SMAD6: variants seen among roughly 807,000 people sequenced by gnomAD.
SMAD6 encodes SMAD family member 6, also known as MAD homolog 6.
SMAD6 carries 103 observed loss-of-function variants against 39.4 expected under a neutral mutation model. That is an observed-to-expected ratio of 2.62 (90% CI 2.23 to 3.08). The LOEUF (loss-of-function observed/expected upper bound fraction) is 3.08. SMAD6 is among the 30% of genes most tolerant of loss of function. The pLI is 0.00. For missense variants in SMAD6, 1,104 were observed against 742.9 expected (o/e 1.49, Z -5.65); for synonymous variants, 445 against 353.3 (o/e 1.26, Z -2.91).
chr15:66,741,440 A>G (rs1595781623), intron 3 of SMAD6, among the ~76,000 whole-genome samples: 2 of 152,368 alleles, frequency 1.3e-5, no homozygotes, highest in South Asian at 2.1e-4. Flanking sequence ...TCCTACAGGA[A>G]CTTTGGGTCC....
At chr15:66,780,453 G>C (rs573510143) in intron 3 of SMAD6, among the ~76,000 whole-genome samples, 2 of 152,252 alleles carry the variant, frequency 1.3e-5, no homozygotes, top group South Asian at 4.1e-4. Flanking sequence ...ACCCTACTCT[G>C]TCAGGTTGAG....
At chr15:66,756,074 C>G (rs1226095074) in intron 3 of SMAD6, among the ~76,000 whole-genome samples, 2 of 151,736 alleles carry the variant, frequency 1.3e-5, no homozygotes, top group Non-Finnish European at 2.9e-5. Flanking sequence ...GTGACTTTGT[C>G]TGTGTGTTCA....
At chr15:66,729,784 T>C (rs1200991328) in intron 3 of SMAD6, among the ~76,000 whole-genome samples, 5 of 152,072 alleles carry the variant, frequency 3.3e-5, no homozygotes, top group African/African-American at 1.2e-4. Flanking sequence ...GGAAATAACT[T>C]ATTAAAGGGG....
chr15:66,760,684 G>A (rs1595792928), intron 3 of SMAD6, among the ~76,000 whole-genome samples: 1 of 152,264 alleles, frequency 6.6e-6, no homozygotes, highest in Admixed American at 6.5e-5. Flanking sequence ...ACAGGGAGGT[G>A]CACACTGTCC....
intron 3 of SMAD6, among the ~76,000 whole-genome samples, chr15:66,722,772 G>A (rs139389714): frequency 3.9e-5 from 6 of 152,146 alleles, no homozygotes; most frequent in Non-Finnish European, 8.8e-5. Context: ...GAGGTGTGAG[G>A]GGGGGTCGGC....
At chr15:66,779,089 G>C (rs927211562) in intron 3 of SMAD6, among the ~76,000 whole-genome samples, 1 of 151,992 alleles carries the variant, frequency 6.6e-6, no homozygotes, top group Non-Finnish European at 1.5e-5. Context: ...GCTGGGGAGA[G>C]GGGCACTGGA....
intron 3 of SMAD6, among the ~76,000 whole-genome samples, chr15:66,754,352 C>T (rs899547559): frequency 7.9e-5 from 12 of 152,154 alleles, no homozygotes; most frequent in Admixed American, 6.5e-5. Context: ...CCGAGCTTTG[C>T]GGTATTCAGG....
intron 3 of SMAD6, among the ~76,000 whole-genome samples, chr15:66,728,461 C>T (rs1893563002): frequency 6.6e-6 from 1 of 151,804 alleles, no homozygotes; most frequent in Non-Finnish European, 1.5e-5. Context: ...GGCTGGAATG[C>T]AGTGATGTGA....
chr15:66,716,882 C>T, intron 3 of SMAD6: 2 of 832,388 alleles, frequency 2.4e-6, no homozygotes, highest in Non-Finnish European at 3.4e-6. Context: ...TGTCCTCACT[C>T]CAGGGGAGGG....
intron 2 of SMAD6, among the ~76,000 whole-genome samples, chr15:66,712,688 C>CAAA (rs775687604): frequency 1.8e-4 from 9 of 49,292 alleles, no homozygotes; most frequent in East Asian, 6.3e-4. Context: ...AATTCTGTCT[C>CAAA]AAAAAAAAAA....
rs201517247 is a variant in SMAD6 at position 66,781,007 on chromosome 15, G to A, written c.963G>A (p.Met321Ile). 2 of 1,573,042 alleles carry A rather than the reference G, an allele frequency of 1.3e-6. No homozygotes were observed. The highest frequency in any genetic ancestry group is 8.6e-7 in the Non-Finnish European group (1 of 1,164,672). Residue 321 changes from methionine to isoleucine, a missense_variant, in exon 4 of 4, where the codon ATG (methionine) becomes ATA (isoleucine). Transcript: ENST00000288840. ...TAPGEFSDAS[M>I]SPDATKPSHW... ...GTGCTTGTCCCGCAGACGCCAGCAT[G>A]TCTCCGGACGCCACCAAGCCGAGCC...
intron 3 of SMAD6, among the ~76,000 whole-genome samples, chr15:66,739,954 T>C (rs769567810): frequency 8.5e-5 from 13 of 152,218 alleles, no homozygotes; most frequent in Non-Finnish European, 1.3e-4. Flanking sequence ...TGTTAAAAAA[T>C]ACAGTTTTGC....
At chr15:66,746,224 C>T (rs1893905430) in intron 3 of SMAD6, among the ~76,000 whole-genome samples, 1 of 152,238 alleles carries the variant, frequency 6.6e-6, no homozygotes, top group Admixed American at 6.5e-5. Flanking sequence ...AGCTGTGCAA[C>T]TTCGGTGACT....
intron 3 of SMAD6, among the ~76,000 whole-genome samples, chr15:66,736,835 A>T (rs933447883): frequency 6.6e-6 from 1 of 151,966 alleles, no homozygotes. Flanking sequence ...ACGCCCAGCT[A>T]ATTTTTGTAT....
intron 3 of SMAD6, among the ~76,000 whole-genome samples, chr15:66,751,015 A>G (rs1002231354): frequency 2.0e-5 from 3 of 151,762 alleles, no homozygotes; most frequent in African/African-American, 7.3e-5. Flanking sequence ...ACCCAGAGAC[A>G]CCCCCACCCC....
At chr15:66,732,916 TTA>T (rs1330445574) in intron 3 of SMAD6, among the ~76,000 whole-genome samples, 2 of 152,134 alleles carry the variant, frequency 1.3e-5, no homozygotes, top group Admixed American at 6.5e-5. Context: ...AATTTTTTTT[TTA>T]TGTTTTCTTC....
intron 3 of SMAD6, among the ~76,000 whole-genome samples, chr15:66,734,407 C>T (rs950359660): frequency 5.3e-5 from 8 of 152,152 alleles, no homozygotes; most frequent in Non-Finnish European, 1.0e-4. Context: ...TTGGTCACTG[C>T]AGACAGCTCG....
chr15:66,728,064 G>A (rs192527627), intron 3 of SMAD6, among the ~76,000 whole-genome samples: 1 of 152,294 alleles, frequency 6.6e-6, no homozygotes, highest in African/African-American at 2.4e-5. Flanking sequence ...TGTTGGTCAG[G>A]CTGGTCTTAA....
intron 3 of SMAD6, among the ~76,000 whole-genome samples, chr15:66,754,133 C>T (rs1428993844): frequency 3.3e-5 from 5 of 152,218 alleles, no homozygotes; most frequent in East Asian, 1.9e-4. Context: ...CTCATTCCTC[C>T]GGTCTCTCCA....
Sources: gnomAD v4.1 joint callset for allele counts (sites outside exome capture counted in the v4.1 genomes callset) on GRCh38, gnomAD v4.1.1 for gene constraint, MANE v1.5 for transcripts, NCBI Gene and HGNC (gene_info 2026-07-23, HGNC 2026-07-21) for gene names.